The following PPP2R1A variants were observed in gnomAD, a reference collection of about 807,000 sequenced individuals.
PPP2R1A encodes serine/threonine-protein phosphatase 2A 65 kDa regulatory subunit A alpha isoform.
Under a neutral mutation model 67.1 loss-of-function variants are expected in PPP2R1A, and 15 were observed. The observed-to-expected ratio is 0.22, with a 90% CI of 0.15 to 0.34. PPP2R1A has a LOEUF of 0.34. PPP2R1A is among the 10% of genes least tolerant of loss of function. The pLI is 1.00. For missense variants in PPP2R1A, 369 were observed against 775.0 expected (o/e 0.48, Z 6.22); for synonymous variants, 337 against 325.0 (o/e 1.04, Z -0.40).
At chr19:52,218,158 T>C (rs902604908) in intron 9 of PPP2R1A, among the ~76,000 whole-genome samples, 5 of 152,208 alleles carry the variant, frequency 3.3e-5, no homozygotes, top group Non-Finnish European at 7.3e-5. Flanking sequence ...TGTGCTGGTG[T>C]GTGACATCTT....
chr19:52,221,060 T>G lies in PPP2R1A; in HGVS notation c.1445T>G (p.Ile482Ser). The change falls in exon 12 of 15, where the codon ATC becomes AGC. Residue 482 changes from isoleucine (I) to serine (S), a missense_variant. Around this residue, in one of 2 missense-constraint regions of PPP2R1A, gnomAD observed 276 missense variants for 508.4 expected, o/e 0.54. Transcript: ENST00000322088. The stretch of plus-strand genomic sequence containing the variant: ...GGGAAGGAGTGGGCCCATGCCACAA[T>G]CATCCCCAAGGTCTTGGCCATGTCC... ...KFGKEWAHAT[I>S]IPKVLAMSGD... 2 of 1,614,204 alleles carry G rather than the reference T, an allele frequency of 1.2e-6. No homozygotes were observed. Among genetic ancestry groups the G allele is most frequent in the Non-Finnish European group, 1.7e-6 (2 of 1,180,040 alleles).
intron 3 of PPP2R1A, among the ~76,000 whole-genome samples, chr19:52,209,688 C>T (rs1178229806): frequency 6.6e-6 from 1 of 152,172 alleles, no homozygotes; most frequent in Admixed American, 6.5e-5. Flanking sequence ...CCCTCTCCCC[C>T]AGCCCCTGGC....
At chr19:52,217,950 T>C (rs1978683044) in intron 9 of PPP2R1A, among the ~76,000 whole-genome samples, 1 of 151,844 alleles carries the variant, frequency 6.6e-6, no homozygotes, top group African/African-American at 2.4e-5. Flanking sequence ...GAAGGAAGGA[T>C]TGAAGTGAGG....
chr19:52,206,378 A>G (rs1442084841), intron 3 of PPP2R1A, among the ~76,000 whole-genome samples: 1 of 152,134 alleles, frequency 6.6e-6, no homozygotes, highest in East Asian at 1.9e-4. Flanking sequence ...TTGTAAGAGA[A>G]TTACTTACCC....
At chr19:52,218,147 G>A (rs1010943650) in intron 9 of PPP2R1A, among the ~76,000 whole-genome samples, 1 of 152,206 alleles carries the variant, frequency 6.6e-6, no homozygotes, top group African/African-American at 2.4e-5. Flanking sequence ...TGGTGCAATT[G>A]TGTGCTGGTG....
Position 52,229,016 on chromosome 19 carries a change from GA to G in PPP2R1A, c.*3037del, listed in dbSNP as rs1979415618. ...ATTACCATGGCTCCCCCGGGCAGATGAAGATGACGAGGTGGTGCCTCAGCCC... is the reference window on the plus strand; with the variant it reads ...ATTACCATGGCTCCCCCGGGCAGATGAGATGACGAGGTGGTGCCTCAGCCC... On this transcript the variant is annotated 3_prime_UTR_variant, in exon 15 of 15. Transcript: ENST00000322088. 1 of 152,266 alleles carries G rather than the reference GA, an allele frequency of 6.6e-6. No homozygotes were observed. Among genetic ancestry groups the G allele is most frequent in the African/African-American group, 2.4e-5 (1 of 41,428 alleles). 9.4% of individuals were successfully genotyped at this position (152,266 alleles called of 1,614,324 possible). A position where few individuals can be genotyped will look rare whatever the true frequency, so the allele number is the denominator to read the frequency against.
chr19:52,197,911 T>A (rs542037072), intron 1 of PPP2R1A, among the ~76,000 whole-genome samples: 1 of 152,230 alleles, frequency 6.6e-6, no homozygotes, highest in South Asian at 2.1e-4. Context: ...TAGTAGAGAC[T>A]AAGGAAATAT....
chr19:52,211,726 G>A lies in PPP2R1A; in HGVS notation c.503+234G>A. ...CACTTAGGAATTGAGATGATGACAG[G>A]TCCTCCTTCCCACTGGTTAATGTGA... On this transcript the variant is annotated intron_variant, in intron 4 of 14. Transcript: ENST00000322088. The surrounding 1 kb of genome is among the most constrained non-coding windows in gnomAD (Gnocchi z 5.3). 1.8e-6 allele frequency: 1 copy of A among 566,386 alleles called. No homozygotes were observed. 35.1% of individuals were successfully genotyped at this position (566,386 alleles called of 1,614,324 possible).
chr19:52,217,796 G>C (rs1013885860), intron 9 of PPP2R1A, among the ~76,000 whole-genome samples: 4 of 152,148 alleles, frequency 2.6e-5, no homozygotes, highest in Non-Finnish European at 2.9e-5. Flanking sequence ...CAGGTTGCCT[G>C]TATTACAAAG....
intron 3 of PPP2R1A, among the ~76,000 whole-genome samples, chr19:52,207,913 CTG>C (rs1340423158): frequency 3.3e-5 from 5 of 152,066 alleles, no homozygotes; most frequent in Non-Finnish European, 7.4e-5. Flanking sequence ...GGCGCCTAAC[CTG>C]CTTAGGTGGG....
chr19:52,215,674 C>T (rs1017458004), intron 6 of PPP2R1A, 105 bp from the exon 7 acceptor site: 18 of 905,516 alleles, frequency 2.0e-5, no homozygotes, highest in African/African-American at 8.2e-5. Flanking sequence ...CCAAGGCCCA[C>T]GCTCTGTCCC....
rs534026069 is a variant in PPP2R1A, at chr19:52,201,136, C to T, written c.79-808C>T. On this transcript the variant is annotated intron_variant, in intron 1 of 14. Coordinates refer to ENST00000322088, the MANE Select transcript of PPP2R1A (RefSeq NM_014225.6). ...CACGTCACTGGATTCAAGGCTAACC[C>T]TCCGTTTAGGATGATATTATCTGGA... 3.6e-4 allele frequency: 54 copies of T among 151,514 alleles called. 1 individual carries two copies. The highest frequency in any genetic ancestry group is 1.2e-3 in the African/African-American group (51 of 41,140). 9.4% of individuals were successfully genotyped at this position (151,514 alleles called of 1,614,324 possible).
chr19:52,206,828 C>T (rs2089608006), intron 3 of PPP2R1A, among the ~76,000 whole-genome samples: 2 of 152,174 alleles, frequency 1.3e-5, no homozygotes, highest in African/African-American at 4.8e-5. Flanking sequence ...TTTCACTGTT[C>T]TCAGAGTGCT....
intron 12 of PPP2R1A, 82 bp downstream of exon 12, chr19:52,221,215 GGGAGACA>G: frequency 1.3e-6 from 2 of 1,558,326 alleles, no homozygotes; most frequent in Non-Finnish European, 1.8e-6. Context: ...GGTTCCCCAA[GGGAGACA>G]CCTGGCTTGG....
In PPP2R1A at chr19:52,227,892, G is replaced by T. The variant is rs1370991953; in HGVS notation, c.*1911G>T. ...GGTCCATTGTAACAAGAGTGCAGTGGACCAGCAGCCTTTGCATTCTCAGGA... is the reference window on the plus strand; with the variant it reads ...GGTCCATTGTAACAAGAGTGCAGTGTACCAGCAGCCTTTGCATTCTCAGGA... On this transcript the variant is annotated 3_prime_UTR_variant, in exon 15 of 15. Coordinates refer to ENST00000322088, the MANE Select transcript of PPP2R1A (RefSeq NM_014225.6). 2 of 152,188 alleles carry T rather than the reference G, an allele frequency of 1.3e-5. No individual in the cohort carries two copies. The highest frequency in any genetic ancestry group is 3.9e-4 in the East Asian group (2 of 5,186). 9.4% of individuals were successfully genotyped at this position (152,188 alleles called of 1,614,324 possible).
chr19:52,199,755 G>A (rs1416434174), intron 1 of PPP2R1A, among the ~76,000 whole-genome samples: 1 of 152,206 alleles, frequency 6.6e-6, no homozygotes, highest in Non-Finnish European at 1.5e-5. Flanking sequence ...AGTGCAGTGA[G>A]CACCTCTATA....
rs189148749 is a variant in PPP2R1A, at chr19:52,221,589, G to T, written c.1518+456G>T. On this transcript the variant is annotated intron_variant, in intron 12 of 14. Coordinates refer to ENST00000322088, the MANE Select transcript of PPP2R1A (RefSeq NM_014225.6). ...ATTTGTAAATAATTCATACTGTAAA[G>T]AATTCATACTGGTAATCACAGCCTG... is the stretch of plus-strand genomic sequence containing the variant. Among the ~76,000 whole-genome samples, 8 of 152,216 alleles carry T rather than the reference G, an allele frequency of 5.3e-5. No individual in the cohort carries two copies. The East Asian group carries it at 1.2e-3, about 22-fold the overall frequency.
chr19:52,207,679 A>G (rs2089618598), intron 3 of PPP2R1A, among the ~76,000 whole-genome samples: 2 of 152,220 alleles, frequency 1.3e-5, no homozygotes. Context: ...TGCACATCCC[A>G]AGAGCCTTAC....
chr19:52,194,685 T>C (rs1031909872), intron 1 of PPP2R1A, among the ~76,000 whole-genome samples: 1 of 152,156 alleles, frequency 6.6e-6, no homozygotes, highest in Non-Finnish European at 1.5e-5. Flanking sequence ...ACCCCCGCTC[T>C]GCCAGTTGTG....
Sources: gnomAD v4.1 joint callset for allele counts (sites outside exome capture counted in the v4.1 genomes callset) on GRCh38, gnomAD v4.1.1 for gene constraint, gnomAD v4.1.1 regional missense constraint, Gnocchi (gnomAD v3.1) non-coding constraint, MANE v1.5 for transcripts, NCBI Gene and HGNC (gene_info 2026-07-23, HGNC 2026-07-21) for gene names.